NEDD1: variants seen among roughly 807,000 people sequenced by gnomAD.
NEDD1 encodes NEDD1 gamma-tubulin ring complex targeting factor.
NEDD1 carries 33 observed loss-of-function variants against 74.0 expected under a neutral mutation model. The observed-to-expected ratio is 0.45, with a 90% CI of 0.34 to 0.60. The LOEUF (loss-of-function observed/expected upper bound fraction) is 0.60. Among genes scored for constraint, NEDD1 ranks in the 20% least tolerant of loss-of-function variants. The pLI, the probability that NEDD1 is intolerant of heterozygous loss-of-function variation, is 0.01. For missense variants in NEDD1, 746 were observed against 776.5 expected, an observed-to-expected ratio of 0.96 and a Z score of 0.47; for synonymous variants, 250 against 264.4, an observed-to-expected ratio of 0.95 and a Z score of 0.53.
chr12:96,909,216 T>C (rs1013702374), intron 2 of NEDD1, among the ~76,000 whole-genome samples: 4 of 150,530 alleles, frequency 2.7e-5, no homozygotes, highest in Non-Finnish European at 4.4e-5. Context: ...GGAAGTGCTA[T>C]GAAAAAAATG....
At chr12:96,914,782 A>G (rs1040134291) in intron 4 of NEDD1, among the ~76,000 whole-genome samples, 4 of 152,210 alleles carry the variant, frequency 2.6e-5, no homozygotes, top group Non-Finnish European at 5.9e-5. Flanking sequence ...CACCTTGAGC[A>G]GTTCAGGATT....
At chr12:96,932,457 A>ATATATATATATATATAT (rs1167914093) in intron 6 of NEDD1, among the ~76,000 whole-genome samples, 9 of 12,760 alleles carry the variant, frequency 7.1e-4, no homozygotes, top group South Asian at 3.6e-3. Flanking sequence ...AAAAAAAAAA[A>ATATATATATATATATAT]AAAAAAATAT....
At chr12:96,930,211 ACTCTCT>A (rs143562580) in intron 6 of NEDD1, among the ~76,000 whole-genome samples, 46 of 89,262 alleles carry the variant, frequency 5.2e-4, no homozygotes, top group African/African-American at 2.2e-3. Context: ...ACACACACAC[ACTCTCT>A]CTCTCTCTCT....
intron 6 of NEDD1, 32 bp from the exon 7 acceptor site, chr12:96,934,936 TGCTTATAA>T (rs1610921): frequency 0.47 from 620,815 of 1,318,706 alleles, 142,926 homozygotes; most frequent in South Asian, 0.52. Context: ...TCCTTATGAA[TGCTTATAA>T]TTACATAAAA....
At chr12:96,930,319 T>C (rs1876318661) in intron 6 of NEDD1, among the ~76,000 whole-genome samples, 1 of 151,960 alleles carries the variant, frequency 6.6e-6, no homozygotes, top group Non-Finnish European at 1.5e-5. Context: ...CAGGATTCTG[T>C]ATATAGTCAT....
chr12:96,930,195 ACACACACACACACACACTCTCTCT>A (rs1383983127), intron 6 of NEDD1, among the ~76,000 whole-genome samples: 5 of 74,734 alleles, frequency 6.7e-5, no homozygotes, highest in African/African-American at 2.7e-4. Context: ...ACACACACAC[ACACACACACACACACACTCTCTCT>A]CTCTCTCTCT....
At chr12:96,907,443 G>A (rs1223143218) in intron 1 of NEDD1, 143 bp downstream of exon 1, 4 of 570,840 alleles carry the variant, frequency 7.0e-6, no homozygotes, top group Non-Finnish European at 6.0e-6. Context: ...TTGCTGGGCG[G>A]GGGCGCGGCG....
intron 14 of NEDD1, among the ~76,000 whole-genome samples, chr12:96,948,511 T>G (rs1878409311): frequency 6.6e-6 from 1 of 152,196 alleles, no homozygotes. Context: ...TAGATTTCTT[T>G]CCATTCTCAG....
chr12:96,943,449 A>G (rs535151301), intron 11 of NEDD1, 111 bp from the exon 12 acceptor site: 9 of 725,688 alleles, frequency 1.2e-5, no homozygotes, highest in Non-Finnish European at 2.2e-5. Context: ...AGTCTTCAGA[A>G]TGCAGATCCA....
chr12:96,910,937 C>T (rs1046241939), intron 3 of NEDD1, among the ~76,000 whole-genome samples: 1 of 152,060 alleles, frequency 6.6e-6, no homozygotes, highest in African/African-American at 2.4e-5. Flanking sequence ...GGTTCAGGAA[C>T]AAAAATATTA....
chr12:96,944,715 C>G lies in NEDD1; in HGVS notation c.1574C>G (p.Ser525Cys), dbSNP rs1271530896. Reference protein sequence around the residue: ...TSPSSNQTRNSEKFEKPENEI... With the variant: ...TSPSSNQTRNCEKFEKPENEI... ...CCATCATCTAACCAAACAAGAAATT[C>G]TGAGAAATTTGAAAAGCCAGAGAAT... The change falls in exon 13 of 16, where the codon TCT (serine) becomes TGT (cysteine). Residue 525 changes from serine (S) to cysteine (C), a missense_variant. Around this residue, in one of 3 missense-constraint regions of NEDD1, gnomAD observed 706 missense variants for 706.7 expected, o/e 1.00. Coordinates refer to ENST00000266742, the MANE Select transcript of NEDD1 (RefSeq NM_152905.4). 1.9e-6 allele frequency: 3 copies of G among 1,599,380 alleles called. No individual in the cohort carries two copies. The highest frequency in any genetic ancestry group is 2.6e-6 in the Non-Finnish European group (3 of 1,173,034).
Position 96,911,881 on chromosome 12 carries a change from G to T in NEDD1, c.137-842G>T, listed in dbSNP as rs947618214. On this transcript the variant is annotated intron_variant, in intron 3 of 15. Transcript: ENST00000266742. ...ACATTCAAAAGTTAATGCAGTTAGGGATTCTGAGTGTCTAATTAACCTTTC... is the reference window on the plus strand; with the variant it reads ...ACATTCAAAAGTTAATGCAGTTAGGTATTCTGAGTGTCTAATTAACCTTTC... 2.6e-5 allele frequency among the ~76,000 whole-genome samples: 4 copies of T among 152,090 alleles called. No homozygotes were observed. The South Asian group carries it at 8.3e-4, about 31-fold the overall frequency.
intron 6 of NEDD1, among the ~76,000 whole-genome samples, chr12:96,932,458 AAAAAAATATAT>A (rs1457511644): frequency 3.9e-5 from 2 of 51,726 alleles, no homozygotes; most frequent in African/African-American, 1.3e-4. Context: ...AAAAAAAAAA[AAAAAAATATAT>A]ATATATATAT....
chr12:96,926,569 T>A (rs1441683770), intron 6 of NEDD1, among the ~76,000 whole-genome samples: 1 of 151,918 alleles, frequency 6.6e-6, no homozygotes, highest in Non-Finnish European at 1.5e-5. Flanking sequence ...TTTTTTCAAA[T>A]TAGTTTTTTT....
At chr12:96,928,670 A>G (rs888808487) in intron 6 of NEDD1, among the ~76,000 whole-genome samples, 5 of 147,318 alleles carry the variant, frequency 3.4e-5, no homozygotes, top group African/African-American at 1.2e-4. Context: ...TGTTAGGTAC[A>G]TAGTGTGTTT....
At chr12:96,937,426 G>A (rs1877239096) in intron 9 of NEDD1, 33 bp downstream of exon 9, 3 of 1,282,436 alleles carry the variant, frequency 2.3e-6, no homozygotes, top group Non-Finnish European at 3.1e-6. Context: ...TGGAGGGTTG[G>A]TTTGTTTTTT....
At chr12:96,934,922 A>G (rs1177458938) in intron 6 of NEDD1, 54 bp from the exon 7 acceptor site, 4 of 1,135,576 alleles carry the variant, frequency 3.5e-6, no homozygotes, top group East Asian at 2.4e-5. Flanking sequence ...GCTTATATCA[A>G]ATGTCCTTAT....
chr12:96,927,552 A>G (rs1284795570), intron 6 of NEDD1, among the ~76,000 whole-genome samples: 1 of 152,226 alleles, frequency 6.6e-6, no homozygotes, highest in African/African-American at 2.4e-5. Context: ...TTCCAAAGCA[A>G]TTACAAATGT....
chr12:96,912,193 A>C (rs1179447460), intron 3 of NEDD1, among the ~76,000 whole-genome samples: 2 of 152,124 alleles, frequency 1.3e-5, no homozygotes, highest in Non-Finnish European at 2.9e-5. Flanking sequence ...TTACTGTAAT[A>C]GTCATTCTTA....
Sources: gnomAD v4.1 joint callset for allele counts (sites outside exome capture counted in the v4.1 genomes callset) on GRCh38, gnomAD v4.1.1 for gene constraint, gnomAD v4.1.1 regional missense constraint, MANE v1.5 for transcripts, NCBI Gene and HGNC (gene_info 2026-07-23, HGNC 2026-07-21) for gene names.